Variants in BBS9 observed in about 807,000 individuals in gnomAD.
BBS9 encodes the protein Bardet-Biedl syndrome 9, also known as protein PTHB1.
BBS9 carries 89 observed loss-of-function variants against 117.7 expected under a neutral mutation model. That is an observed-to-expected ratio of 0.76 (90% CI 0.64 to 0.90). The LOEUF is 0.90. BBS9 is among the 40% of genes least tolerant of loss of function. The pLI, the probability that BBS9 is intolerant of heterozygous loss-of-function variation, is 0.00. For missense variants in BBS9, 982 were observed against 1,042.2 expected, an observed-to-expected ratio of 0.94 and a Z score of 0.80; for synonymous variants, 379 against 370.9, an observed-to-expected ratio of 1.02 and a Z score of -0.25.
In BBS9 at chr7:33,476,437, A is replaced by G. The variant is rs114705908; in HGVS notation, c.2116-29026A>G. On this transcript the variant is annotated intron_variant, in intron 19 of 22. Transcript: ENST00000242067. The stretch of plus-strand genomic sequence containing the variant: ...CACTGGGAGGAGACTCCAGGGCAGT[A>G]GGAATTTTGAAGTCGGTGTTGCTCC... Among the ~76,000 whole-genome samples, 403 of 152,336 alleles carry G rather than the reference A, an allele frequency of 2.6e-3. 1 individual carries two copies. The highest frequency in any genetic ancestry group is 9.2e-3 in the African/African-American group (382 of 41,592).
At chr7:33,518,887 C>T (rs1848201895) in intron 20 of BBS9, among the ~76,000 whole-genome samples, 1 of 152,074 alleles carries the variant, frequency 6.6e-6, no homozygotes, top group Non-Finnish European at 1.5e-5. Context: ...TCTGTCATTC[C>T]AGATGCAATT....
chr7:33,336,198 G>A (rs1250792427), intron 9 of BBS9, among the ~76,000 whole-genome samples: 2 of 152,166 alleles, frequency 1.3e-5, no homozygotes, highest in South Asian at 2.1e-4. Flanking sequence ...CCCAAAAGTG[G>A]TAGCTATTAT....
intron 19 of BBS9, among the ~76,000 whole-genome samples, chr7:33,458,369 G>A (rs1323923048): frequency 6.6e-6 from 1 of 152,048 alleles, no homozygotes; most frequent in Non-Finnish European, 1.5e-5. Flanking sequence ...TTGTTCATTT[G>A]TTCCATAGAT....
At chr7:33,367,682 C>G in intron 16 of BBS9, 85 bp from the exon 17 acceptor site, 1 of 1,052,142 alleles carries the variant, frequency 9.5e-7, no homozygotes, top group Non-Finnish European at 1.5e-6. Flanking sequence ...ATAAAAAACA[C>G]GCATCATTCA....
downstream of BBS9, among the ~76,000 whole-genome samples, chr7:33,610,680 A>G (rs1864812182): frequency 6.6e-6 from 1 of 152,136 alleles, no homozygotes; most frequent in Non-Finnish European, 1.5e-5. Context: ...GGGAACAAAC[A>G]TTCAAACCAT....
chr7:33,419,310 T>C (rs1185421365), intron 19 of BBS9, among the ~76,000 whole-genome samples: 1 of 152,200 alleles, frequency 6.6e-6, no homozygotes, highest in East Asian at 1.9e-4. Flanking sequence ...AATAATGAAA[T>C]AAAATGTACC....
chr7:33,193,855 A>T (rs996829585), intron 5 of BBS9, among the ~76,000 whole-genome samples: 2 of 152,102 alleles, frequency 1.3e-5, no homozygotes, highest in Non-Finnish European at 2.9e-5. Flanking sequence ...CTTACTATTC[A>T]TCAGTTTTCC....
intron 21 of BBS9, among the ~76,000 whole-genome samples, chr7:33,579,015 C>T (rs1173630816): frequency 6.6e-6 from 1 of 152,214 alleles, no homozygotes; most frequent in Non-Finnish European, 1.5e-5. Context: ...CTGCCTTTTG[C>T]AGGCTCTGCT....
At chr7:33,531,663 A>C (rs1850597131) in intron 20 of BBS9, among the ~76,000 whole-genome samples, 3 of 152,186 alleles carry the variant, frequency 2.0e-5, no homozygotes, top group African/African-American at 7.2e-5. Context: ...CACAGATAAA[A>C]TGGGCTGTCA....
At chr7:33,296,669 T>C (rs540093317) in intron 9 of BBS9, among the ~76,000 whole-genome samples, 46 of 152,320 alleles carry the variant, frequency 3.0e-4, no homozygotes, top group African/African-American at 1.1e-3. Flanking sequence ...TTTTCTCTTC[T>C]ACTGACCAAC....
intron 21 of BBS9, among the ~76,000 whole-genome samples, chr7:33,535,916 G>C (rs1463806260): frequency 6.6e-6 from 1 of 152,048 alleles, no homozygotes; most frequent in Non-Finnish European, 1.5e-5. Context: ...CCCTGTCTGA[G>C]CTTTCCTGTT....
At chr7:33,290,487 C>G (rs1803813351) in intron 9 of BBS9, among the ~76,000 whole-genome samples, 1 of 152,188 alleles carries the variant, frequency 6.6e-6, no homozygotes, top group Admixed American at 6.5e-5. Flanking sequence ...CTTTGTTCTT[C>G]CCTTCAACCC....
At chr7:33,608,742 T>C (rs1192360311), downstream of BBS9, among the ~76,000 whole-genome samples, 1 of 152,192 alleles carries the variant, frequency 6.6e-6, no homozygotes, top group Non-Finnish European at 1.5e-5. Context: ...AGGTTCCTTA[T>C]AGATTGTGGA....
intron 9 of BBS9, among the ~76,000 whole-genome samples, chr7:33,312,485 A>AG (rs113630824): frequency 0.028 from 4,281 of 152,248 alleles, 218 homozygotes; most frequent in African/African-American, 0.098. Context: ...ATAGATATTG[A>AG]GGAGGACTGA....
intron 7 of BBS9, among the ~76,000 whole-genome samples, chr7:33,268,288 G>A (rs1262208434): frequency 6.6e-6 from 1 of 152,196 alleles, no homozygotes; most frequent in Non-Finnish European, 1.5e-5. Flanking sequence ...CAGATCTCCA[G>A]AGTTCTGTCT....
chr7:33,260,174 T>C (rs1797746184), intron 6 of BBS9, among the ~76,000 whole-genome samples: 1 of 152,088 alleles, frequency 6.6e-6, no homozygotes, highest in African/African-American at 2.4e-5. Context: ...TAATTACTTT[T>C]GTATTTTAGT....
chr7:33,138,770 G>T (rs768133537), intron 1 of BBS9, among the ~76,000 whole-genome samples: 1 of 150,594 alleles, frequency 6.6e-6, no homozygotes, highest in Non-Finnish European at 1.5e-5. Flanking sequence ...TTGGTGGGGG[G>T]GAAAGATGGG....
chr7:33,320,600 A>T (rs1400084606), intron 9 of BBS9, among the ~76,000 whole-genome samples: 1 of 152,168 alleles, frequency 6.6e-6, no homozygotes, highest in Non-Finnish European at 1.5e-5. Flanking sequence ...TTTTGAGTAT[A>T]TAACAGGGAG....
At chr7:33,346,087 T>G (rs1817535707) in intron 12 of BBS9, 1 of 292,724 alleles carries the variant, frequency 3.4e-6, no homozygotes, top group Admixed American at 4.8e-5. Context: ...TATAAAAGCA[T>G]GAGAAAGAAT....
Sources: gnomAD v4.1 joint callset for allele counts (sites outside exome capture counted in the v4.1 genomes callset) on GRCh38, gnomAD v4.1.1 for gene constraint, MANE v1.5 for transcripts, NCBI Gene and HGNC (gene_info 2026-07-23, HGNC 2026-07-21) for gene names.